Variants in RSPO2 observed in about 807,000 individuals in gnomAD.
RSPO2 encodes the protein R-spondin-2.
RSPO2 carries 14 observed loss-of-function variants against 30.9 expected under a neutral mutation model. The observed-to-expected ratio is 0.45, with a 90% CI of 0.30 to 0.71. The LOEUF (loss-of-function observed/expected upper bound fraction) is 0.71. RSPO2 is among the 30% of genes least tolerant of loss of function. The probability of loss-of-function intolerance (pLI) is 0.08; values close to 1 mark genes in which losing one functional copy is unlikely to be tolerated. For missense variants in RSPO2, 264 were observed against 301.9 expected, an observed-to-expected ratio of 0.87 and a Z score of 0.93; for synonymous variants, 107 against 96.4, an observed-to-expected ratio of 1.11 and a Z score of -0.64.
intron 3 of RSPO2, among the ~76,000 whole-genome samples, chr8:107,962,906 C>T (rs1813678126): frequency 6.6e-6 from 1 of 151,994 alleles, no homozygotes; most frequent in African/African-American, 2.4e-5. Flanking sequence ...AGCTTTTTGG[C>T]CAAAAAGTTA....
intron 4 of RSPO2, 60 bp from the exon 5 acceptor site, chr8:107,958,328 G>T: frequency 7.3e-7 from 1 of 1,364,444 alleles, no homozygotes; most frequent in Non-Finnish European, 1.0e-6. Flanking sequence ...GTATCCATTT[G>T]CTTCACTGTC....
At chr8:108,020,575 C>T (rs1811030108) in intron 2 of RSPO2, among the ~76,000 whole-genome samples, 1 of 152,114 alleles carries the variant, frequency 6.6e-6, no homozygotes, top group South Asian at 2.1e-4. Context: ...CTGCAATGTT[C>T]TTATTTTTTT....
intron 3 of RSPO2, among the ~76,000 whole-genome samples, chr8:107,976,362 A>C (rs1461603612): frequency 1.3e-5 from 2 of 152,210 alleles, no homozygotes; most frequent in African/African-American, 4.8e-5. Context: ...AGCTCTCCAT[A>C]CTGTGTGTCC....
chr8:108,070,192 C>T (rs1171669115), intron 2 of RSPO2, among the ~76,000 whole-genome samples: 1 of 151,670 alleles, frequency 6.6e-6, no homozygotes, highest in Non-Finnish European at 1.5e-5. Context: ...AGAGTCGTGG[C>T]ACATGCCTGT....
rs1586569142 is a variant in RSPO2 at position 107,948,159 on chromosome 8, A to C, written c.616+9921T>G. Among the ~76,000 whole-genome samples the C allele has an allele frequency of 2.0e-5, 3 of 152,350 alleles. No homozygotes were observed. In the South Asian group the frequency reaches 6.2e-4, roughly 32 times the overall value. ...AAATTAAGCTTTGCCTTTTATCTTT[A>C]ATGTGCATTTTCTTATTCCGTAACC... On this transcript the variant is annotated intron_variant, in intron 5 of 5. Transcript: ENST00000276659.
In RSPO2 at chr8:107,953,024, T is replaced by C. The variant is rs74755734; in HGVS notation, c.616+5056A>G. ...GTTTAAAGAATTGCTGTGTGGTTACTAAAAACTGCACTATCGTGAGTTGAG... is the reference window on the plus strand; with the variant it reads ...GTTTAAAGAATTGCTGTGTGGTTACCAAAAACTGCACTATCGTGAGTTGAG... On this transcript the variant is annotated intron_variant, in intron 5 of 5. Transcript: ENST00000276659. Among the ~76,000 whole-genome samples the C allele has an allele frequency of 5.6e-3, 849 of 152,304 alleles. 7 individuals carry two copies. Among genetic ancestry groups the C allele is most frequent in the African/African-American group, 0.02 (821 of 41,568 alleles).
chr8:107,992,172 G>GATAC (rs1554579804), intron 2 of RSPO2, among the ~76,000 whole-genome samples: 3 of 52,272 alleles, frequency 5.7e-5, no homozygotes, highest in Non-Finnish European at 1.0e-4. Context: ...AAGAAAATGT[G>GATAC]ATACACACAC....
At chr8:107,904,145 T>A (rs900555320) in intron 5 of RSPO2, among the ~76,000 whole-genome samples, 10 of 152,068 alleles carry the variant, frequency 6.6e-5, no homozygotes, top group Non-Finnish European at 1.2e-4. Context: ...TGTTTCTGCT[T>A]AATTTCTTTA....
intron 4 of RSPO2, among the ~76,000 whole-genome samples, chr8:107,959,365 A>G (rs577888521): frequency 1.3e-5 from 2 of 152,318 alleles, no homozygotes; most frequent in Admixed American, 6.5e-5. Flanking sequence ...ATAGTGGAAA[A>G]TAGGCTACCC....
intron 5 of RSPO2, among the ~76,000 whole-genome samples, chr8:107,917,013 A>T (rs1812002953): frequency 6.6e-6 from 1 of 152,132 alleles, no homozygotes; most frequent in South Asian, 2.1e-4. Context: ...CTTTTGAAAT[A>T]TTTTTATGCA....
At chr8:108,041,753 A>G (rs1413575637) in intron 2 of RSPO2, among the ~76,000 whole-genome samples, 1 of 152,120 alleles carries the variant, frequency 6.6e-6, no homozygotes, top group African/African-American at 2.4e-5. Context: ...AAATGCAATA[A>G]AGAGTCCAAA....
intron 5 of RSPO2, among the ~76,000 whole-genome samples, chr8:107,902,785 TA>T (rs1811519800): frequency 6.6e-6 from 1 of 151,094 alleles, no homozygotes; most frequent in Admixed American, 6.6e-5. Context: ...AAAAAAGATT[TA>T]AAAGAATAAC....
At chr8:108,011,759 G>C (rs1810718137) in intron 2 of RSPO2, among the ~76,000 whole-genome samples, 2 of 152,168 alleles carry the variant, frequency 1.3e-5, no homozygotes, top group Admixed American at 1.3e-4. Flanking sequence ...GGAAATAATT[G>C]GGCAGGGAAG....
intron 2 of RSPO2, among the ~76,000 whole-genome samples, chr8:107,999,350 TC>T (rs1251807845): frequency 8.0e-6 from 1 of 125,762 alleles, no homozygotes; most frequent in Admixed American, 7.8e-5. Flanking sequence ...TTTAATGACA[TC>T]AGGATTAAAG....
At chr8:107,995,346 C>T (rs1246685753) in intron 2 of RSPO2, among the ~76,000 whole-genome samples, 1 of 152,092 alleles carries the variant, frequency 6.6e-6, no homozygotes, top group African/African-American at 2.4e-5. Flanking sequence ...CAATAAAATT[C>T]TGGGTAAGCG....
chr8:107,983,715 G>T, intron 3 of RSPO2: 1 of 1,589,240 alleles, frequency 6.3e-7, no homozygotes, highest in South Asian at 1.1e-5. Flanking sequence ...ACAACTAAAG[G>T]CTGAAAAGGC....
intron 5 of RSPO2, among the ~76,000 whole-genome samples, chr8:107,935,494 C>T (rs1456370972): frequency 6.6e-6 from 1 of 151,888 alleles, no homozygotes; most frequent in Non-Finnish European, 1.5e-5. Context: ...GAGACAACTG[C>T]CCAAGCCAGT....
At chr8:108,057,369 G>C (rs920491060) in intron 2 of RSPO2, among the ~76,000 whole-genome samples, 2 of 152,088 alleles carry the variant, frequency 1.3e-5, no homozygotes, top group Non-Finnish European at 2.9e-5. Flanking sequence ...GTTATTGGTA[G>C]TTGTATTTTC....
At chr8:108,075,824 T>A (rs941018324) in intron 2 of RSPO2, among the ~76,000 whole-genome samples, 4 of 152,018 alleles carry the variant, frequency 2.6e-5, no homozygotes, top group Admixed American at 2.6e-4. Flanking sequence ...CAAAATAATT[T>A]TAAGGGAAAA....
Sources: allele counts gnomAD v4.1 joint callset (sites outside exome capture counted in the v4.1 genomes callset), GRCh38; gene constraint gnomAD v4.1.1; transcripts MANE v1.5; gene names NCBI Gene and HGNC (gene_info 2026-07-23, HGNC 2026-07-21).